Variants in TBCK observed in about 807,000 individuals in gnomAD.
The protein encoded by TBCK is TBC domain-containing protein kinase-like protein.
Under a neutral mutation model 113.4 loss-of-function variants are expected in TBCK, and 99 were observed. The observed-to-expected ratio is 0.87, with a 90% confidence interval of 0.74 to 1.03. The LOEUF (loss-of-function observed/expected upper bound fraction) is 1.03. Ranked by LOEUF, TBCK falls within the 50% of genes least tolerant of loss-of-function variation. The pLI, the probability that TBCK is intolerant of heterozygous loss-of-function variation, is 0.00. For missense variants in TBCK, 1,045 were observed against 1,061.3 expected, an observed-to-expected ratio of 0.98 and a Z score of 0.21; for synonymous variants, 369 against 370.8, an observed-to-expected ratio of 1.00 and a Z score of 0.05.
At chr4:106,212,273 A>G (rs2149889152) in intron 20 of TBCK, among the ~76,000 whole-genome samples, 1 of 152,294 alleles carries the variant, frequency 6.6e-6, no homozygotes, top group Admixed American at 6.5e-5. Context: ...ACAAACAACA[A>G]ATAAAAAACA....
Position 106,232,950 on chromosome 4 carries a change from C to A in TBCK, c.1627G>T (p.Val543Leu). The change falls in exon 17 of 26, where the codon GTG becomes TTG. Residue 543 changes from valine to leucine, a missense_variant. Transcript: ENST00000394708. ...KAWVVSHPDLVYWQGLDSLCA... is the reference protein window; with the variant it reads ...KAWVVSHPDLLYWQGLDSLCA... ...CTACAAAAGTTACCTTGCCAATACA[C>A]AAGATCAGGATGAGACACTACCCAG... 6.2e-7 allele frequency: 1 copy of A among 1,611,402 alleles called. No individual in the cohort carries two copies. The highest frequency in any genetic ancestry group is 8.5e-7 in the Non-Finnish European group (1 of 1,178,338).
chr4:106,235,021 C>T (rs1464732704), intron 15 of TBCK, among the ~76,000 whole-genome samples: 1 of 151,994 alleles, frequency 6.6e-6, no homozygotes, highest in Non-Finnish European at 1.5e-5. Flanking sequence ...TGGTAATAAT[C>T]AAAACATTTT....
intron 3 of TBCK, among the ~76,000 whole-genome samples, chr4:106,287,229 T>C (rs1765204564): frequency 6.6e-6 from 1 of 152,174 alleles, no homozygotes; most frequent in African/African-American, 2.4e-5. Context: ...CTTCTGGATA[T>C]TCCCTTAATA....
At chr4:106,099,308 C>G (rs778028913) in intron 24 of TBCK, among the ~76,000 whole-genome samples, 21 of 152,046 alleles carry the variant, frequency 1.4e-4, no homozygotes, top group Non-Finnish European at 2.4e-4. Flanking sequence ...AGCATTTTTG[C>G]TGGATGCCAC....
chr4:106,123,636 C>T (rs535932661), intron 23 of TBCK, among the ~76,000 whole-genome samples: 10 of 152,218 alleles, frequency 6.6e-5, no homozygotes, highest in African/African-American at 2.2e-4. Flanking sequence ...TACAAGGCTA[C>T]AGTAACCAAA....
In TBCK at chr4:106,042,372, T is replaced by C. The variant is rs915560834; in HGVS notation, c.*4198A>G. 1 of 152,018 alleles carries C rather than the reference T, an allele frequency of 6.6e-6. No homozygotes were observed. The highest frequency in any genetic ancestry group is 1.5e-5 in the Non-Finnish European group (1 of 68,032). 9.4% of individuals were successfully genotyped at this position (152,018 alleles called of 1,614,324 possible). On this transcript the variant is annotated 3_prime_UTR_variant, in exon 26 of 26. Coordinates refer to ENST00000394708, the MANE Select transcript of TBCK (RefSeq NM_001163435.3). The stretch of plus-strand genomic sequence containing the variant: ...CTACTGCATAAGATTTTTTTTTTTC[T>C]TTTTTGAGACGGAGTCTCACTCTGT...
chr4:106,153,869 T>C (rs930897358), intron 23 of TBCK, among the ~76,000 whole-genome samples: 4 of 152,078 alleles, frequency 2.6e-5, no homozygotes, highest in Admixed American at 6.6e-5. Context: ...GATGTAAATA[T>C]AGCTACTCCA....
chr4:106,072,848 A>G (rs983720458), intron 25 of TBCK, among the ~76,000 whole-genome samples: 1 of 151,778 alleles, frequency 6.6e-6, no homozygotes, highest in Non-Finnish European at 1.5e-5. Flanking sequence ...CATTAATTTG[A>G]TCTTCAATCA....
At chr4:106,305,301 T>C (rs371007821) in intron 2 of TBCK, among the ~76,000 whole-genome samples, 1 of 151,056 alleles carries the variant, frequency 6.6e-6, no homozygotes, top group Non-Finnish European at 1.5e-5. Flanking sequence ...TTAAGAATAA[T>C]TAATAATGAT....
chr4:106,222,353 G>A (rs1276858499), intron 19 of TBCK, among the ~76,000 whole-genome samples: 2 of 151,856 alleles, frequency 1.3e-5, no homozygotes, highest in Non-Finnish European at 2.9e-5. Context: ...TAAATTTATT[G>A]TAAGAATTTT....
chr4:106,249,259 C>G (rs1385598517), intron 7 of TBCK, among the ~76,000 whole-genome samples: 1 of 152,138 alleles, frequency 6.6e-6, no homozygotes, highest in Non-Finnish European at 1.5e-5. Flanking sequence ...TACTCTAGCT[C>G]TCTCTGTCTC....
chr4:106,122,738 T>A (rs202244880), intron 23 of TBCK, among the ~76,000 whole-genome samples: 19,585 of 152,028 alleles, frequency 0.13, 1,595 homozygotes, highest in South Asian at 0.24. Flanking sequence ...AATCAATAAA[T>A]GTAATCCAGC....
intron 23 of TBCK, among the ~76,000 whole-genome samples, chr4:106,170,858 AC>A (rs1188133546): frequency 6.6e-6 from 1 of 152,126 alleles, no homozygotes; most frequent in Non-Finnish European, 1.5e-5. Context: ...ACAAATGCAT[AC>A]AAAAAAAGCA....
intron 19 of TBCK, among the ~76,000 whole-genome samples, chr4:106,229,285 C>T (rs1758589287): frequency 6.6e-6 from 1 of 151,792 alleles, no homozygotes; most frequent in African/African-American, 2.4e-5. Context: ...CTTTGTTTGC[C>T]TCTGCTTATG....
At chr4:106,188,038 A>G (rs1473532314) in intron 22 of TBCK, among the ~76,000 whole-genome samples, 1 of 152,076 alleles carries the variant, frequency 6.6e-6, no homozygotes, top group Admixed American at 6.6e-5. Flanking sequence ...GATGCCTTTA[A>G]TTTCTTTATC....
At chr4:106,160,493 A>G (rs946434944) in intron 23 of TBCK, among the ~76,000 whole-genome samples, 1 of 152,058 alleles carries the variant, frequency 6.6e-6, no homozygotes, top group Non-Finnish European at 1.5e-5. Context: ...TAAGAAGTAC[A>G]TGAAAAGATG....
intron 23 of TBCK, among the ~76,000 whole-genome samples, chr4:106,129,675 A>C (rs1745650798): frequency 1.3e-5 from 2 of 152,228 alleles, no homozygotes; most frequent in African/African-American, 4.8e-5. Context: ...ATAGGTAATA[A>C]AAATGTTTTA....
At chr4:106,095,166 C>T (rs898796770) in intron 25 of TBCK, among the ~76,000 whole-genome samples, 8 of 152,182 alleles carry the variant, frequency 5.3e-5, no homozygotes, top group African/African-American at 1.9e-4. Context: ...TCAGAGCCTA[C>T]ACTTGAACAC....
intron 3 of TBCK, 63 bp from the exon 4 acceptor site, chr4:106,262,275 G>T: frequency 3.4e-6 from 3 of 879,540 alleles, no homozygotes; most frequent in Non-Finnish European, 5.4e-6. Context: ...GTTTTAACAA[G>T]TGAAATGTGA....
Sources: allele counts gnomAD v4.1 joint callset (sites outside exome capture counted in the v4.1 genomes callset), GRCh38; gene constraint gnomAD v4.1.1; transcripts MANE v1.5; gene names NCBI Gene and HGNC (gene_info 2026-07-23, HGNC 2026-07-21).